The following SEL1L variants were observed in gnomAD, a reference collection of about 807,000 sequenced individuals.
SEL1L encodes protein sel-1 homolog 1.
Under a neutral mutation model 109.8 loss-of-function variants are expected in SEL1L, and 52 were observed. The observed-to-expected ratio is 0.47, with a 90% confidence interval of 0.38 to 0.60. The LOEUF (loss-of-function observed/expected upper bound fraction) is 0.60. SEL1L is among the 20% of genes least tolerant of loss of function. The pLI, the probability that SEL1L is intolerant of heterozygous loss-of-function variation, is 0.00. For missense variants in SEL1L, 749 were observed against 962.2 expected (o/e 0.78, Z 2.93); for synonymous variants, 373 against 339.6 (o/e 1.10, Z -1.08).
In SEL1L at chr14:81,484,382, C is replaced by G; in HGVS notation, c.1889G>C (p.Arg630Thr). 5 of 1,613,804 alleles carry G rather than the reference C, an allele frequency of 3.1e-6. No individual in the cohort carries two copies. The highest frequency in any genetic ancestry group is 4.2e-6 in the Non-Finnish European group (5 of 1,179,738). ...GAAATGGTAGTCTCCGAGCTTAATT[C>G]TAGCCACAGTATAGCCTTAAACAAA... ...RAASQGYTVA[R>T]IKLGDYHFYG... is the part of the protein sequence containing the mutation. The change falls in exon 19 of 21, where the codon AGA becomes ACA. Residue 630 changes from arginine to threonine, a missense_variant. Arg to Thr is a moderately conservative substitution (Grantham distance 71). This residue lies in a region of SEL1L where 383 missense variants were observed against 562.5 expected (regional missense o/e 0.68). Coordinates refer to ENST00000336735, the MANE Select transcript of SEL1L (RefSeq NM_005065.6).
Position 81,490,474 on chromosome 14 carries a change from C to A in SEL1L, c.1255-9G>T. On this transcript the variant is annotated splice_polypyrimidine_tract_variant and intron_variant, in intron 12 of 20. Transcript: ENST00000336735. ...CTTCCTTCCGAATACATCTGGAAAA[C>A]AGATCCCAATTTCAGTAAGAGCTGT... The A allele has an allele frequency of 1.2e-6, 2 of 1,607,350 alleles. No individual in the cohort carries two copies. Among genetic ancestry groups the A allele is most frequent in the South Asian group, 2.2e-5 (2 of 90,894 alleles).
rs1309052809 is a variant in SEL1L, at chr14:81,477,177, C to T, written c.2180G>A (p.Arg727Gln). 68 of 1,612,550 alleles carry T rather than the reference C, an allele frequency of 4.2e-5. No homozygotes were observed. Among genetic ancestry groups the T allele is most frequent in the Non-Finnish European group, 5.3e-5 (63 of 1,178,896 alleles). The part of the protein sequence containing the change: ...FLQYIRETNI[R>Q]DMFTQLDMDQ... ...CATATCAAGTTGGGTGAACATATCT[C>T]GAATCTTAATGAAAATAATATAGAA... The change falls in exon 21 of 21, where the codon CGA becomes CAA. Residue 727 changes from arginine to glutamine, a missense_variant. Physicochemically the swap from Arg to Gln is conservative, Grantham distance 43 (BLOSUM62 1). This residue lies in a region of SEL1L where 383 missense variants were observed against 562.5 expected (regional missense o/e 0.68). Transcript: ENST00000336735.
chr14:81,482,752 G>A (rs1012102579), intron 19 of SEL1L, among the ~76,000 whole-genome samples: 21 of 152,110 alleles, frequency 1.4e-4, no homozygotes, highest in South Asian at 2.1e-4. Context: ...TTTACATACT[G>A]AAATTAAAAG....
intron 18 of SEL1L, 47 bp downstream of exon 18, chr14:81,485,625 T>C (rs2080182709): frequency 1.4e-6 from 2 of 1,470,798 alleles, no homozygotes; most frequent in Non-Finnish European, 1.9e-6. Context: ...ATAAACAACA[T>C]AGGGAGGTCC....
chr14:81,509,558 A>G (rs1884378890), intron 3 of SEL1L, among the ~76,000 whole-genome samples: 1 of 152,240 alleles, frequency 6.6e-6, no homozygotes, highest in Non-Finnish European at 1.5e-5. Context: ...TATTGTAATA[A>G]TGAACAGAAT....
intron 8 of SEL1L, chr14:81,499,127 A>T (rs1883898476): frequency 9.8e-7 from 1 of 1,018,984 alleles, no homozygotes; most frequent in South Asian, 4.6e-5. Context: ...CTAAAGAAAA[A>T]TTTTTAAAAT....
At chr14:81,483,929 C>A (rs1180171195) in intron 19 of SEL1L, among the ~76,000 whole-genome samples, 1 of 152,130 alleles carries the variant, frequency 6.6e-6, no homozygotes, top group Non-Finnish European at 1.5e-5. Context: ...ATTTGGCTGA[C>A]GATGGACAGA....
chr14:81,499,395 G>A (rs1883907782), intron 8 of SEL1L, 64 bp downstream of exon 8: 1 of 1,569,212 alleles, frequency 6.4e-7, no homozygotes, highest in South Asian at 1.2e-5. Flanking sequence ...AAAAGTTGTG[G>A]CCGCTATAAA....
intron 3 of SEL1L, among the ~76,000 whole-genome samples, chr14:81,524,840 C>T (rs1386607058): frequency 6.6e-6 from 1 of 152,026 alleles, no homozygotes; most frequent in Non-Finnish European, 1.5e-5. Context: ...TGCCATTGCA[C>T]TCCAGACTGG....
intron 3 of SEL1L, among the ~76,000 whole-genome samples, chr14:81,510,510 CTCTCTA>C (rs1200000261): frequency 0.011 from 1,145 of 108,304 alleles, 7 homozygotes; most frequent in East Asian, 0.018. Flanking sequence ...CTCTCTCTCT[CTCTCTA>C]TATATATATA....
chr14:81,485,225 A>G (rs995386171), intron 18 of SEL1L, among the ~76,000 whole-genome samples: 11 of 152,218 alleles, frequency 7.2e-5, no homozygotes, highest in African/African-American at 2.7e-4. Context: ...TCTGTTAAGA[A>G]TAAATACCAA....
intron 19 of SEL1L, 42 bp from the exon 20 acceptor site, chr14:81,479,782 A>G: frequency 6.5e-7 from 1 of 1,527,906 alleles, no homozygotes; most frequent in East Asian, 2.3e-5. Context: ...TCTTGTCAAA[A>G]TAAGTAAAAA....
intron 6 of SEL1L, 25 bp downstream of exon 6, chr14:81,502,696 G>C (rs962123330): frequency 6.2e-7 from 1 of 1,608,986 alleles, no homozygotes; most frequent in Non-Finnish European, 8.5e-7. Context: ...CATGCAGAGA[G>C]ATTCTTCACT....
chr14:81,499,749 G>A (rs1883924948), intron 6 of SEL1L, 87 bp from the exon 7 acceptor site: 1 of 993,910 alleles, frequency 1.0e-6, no homozygotes, highest in Non-Finnish European at 1.5e-6. Flanking sequence ...TATATACTAT[G>A]AAAAAATGCA....
At chr14:81,505,745 C>T (rs182436814) in intron 4 of SEL1L, among the ~76,000 whole-genome samples, 14 of 152,186 alleles carry the variant, frequency 9.2e-5, no homozygotes, top group African/African-American at 3.4e-4. Context: ...CACTATTAAC[C>T]TTCTCCATAA....
At chr14:81,514,611 T>A (rs1318973616) in intron 3 of SEL1L, among the ~76,000 whole-genome samples, 1 of 152,208 alleles carries the variant, frequency 6.6e-6, no homozygotes, top group African/African-American at 2.4e-5. Flanking sequence ...GGAAAACTAG[T>A]GTTTCTGCTG....
chr14:81,479,333 T>C, intron 20 of SEL1L: 1 of 226,304 alleles, frequency 4.4e-6, no homozygotes, highest in Non-Finnish European at 8.6e-6. Flanking sequence ...TGCCATGAGT[T>C]AGTCTCAGTT....
At chr14:81,514,682 G>C (rs11844307) in intron 3 of SEL1L, among the ~76,000 whole-genome samples, 4,296 of 152,196 alleles carry the variant, frequency 0.028, 196 homozygotes, top group African/African-American at 0.099. Flanking sequence ...TGGGTTCTTG[G>C]GCAGGGAGAG....
chr14:81,533,422 G>A (rs1235010872), intron 1 of SEL1L, among the ~76,000 whole-genome samples: 2 of 152,260 alleles, frequency 1.3e-5, no homozygotes, highest in African/African-American at 2.4e-5. Flanking sequence ...TTCGTGAGAA[G>A]AGTCGCGCAA....
Sources: allele counts gnomAD v4.1 joint callset (sites outside exome capture counted in the v4.1 genomes callset), GRCh38; gene constraint gnomAD v4.1.1; regional missense constraint gnomAD v4.1.1; transcripts MANE v1.5; gene names NCBI Gene and HGNC (gene_info 2026-07-23, HGNC 2026-07-21).